Variants in TSPAN13 observed in about 807,000 individuals in gnomAD.
TSPAN13 encodes the protein tetraspanin 13, also known as tetraspanin-13.
In TSPAN13, 18 loss-of-function variants were observed where a neutral mutation model predicts 26.9. That is an observed-to-expected ratio of 0.67 (90% CI 0.46 to 0.99). TSPAN13 has a LOEUF of 0.99. Ranked by LOEUF, TSPAN13 falls within the 50% of genes least tolerant of loss-of-function variation. The pLI, the probability that TSPAN13 is intolerant of heterozygous loss-of-function variation, is 0.00. For missense variants in TSPAN13, 201 were observed against 249.6 expected (o/e 0.81, Z 1.31); for synonymous variants, 116 against 98.4 (o/e 1.18, Z -1.06).
chr7:16,772,318 G>T (rs549014968), intron 1 of TSPAN13, among the ~76,000 whole-genome samples: 1 of 152,296 alleles, frequency 6.6e-6, no homozygotes, highest in African/African-American at 2.4e-5. Flanking sequence ...TAGGTGAATT[G>T]TTCTGTATTT....
In TSPAN13 at chr7:16,753,860, T is replaced by C; in HGVS notation, c.-108T>C. 2 of 1,203,100 alleles carry C rather than the reference T, an allele frequency of 1.7e-6. No individual in the cohort carries two copies. Among genetic ancestry groups the C allele is most frequent in the African/African-American group, 1.5e-5 (1 of 65,740 alleles). 74.5% of individuals were successfully genotyped at this position (1,203,100 alleles called of 1,614,324 possible). ...CCCCGGCCCCCCACCCACGTCTGCGTTGCTGCCCCGCCTGGGCCAGGCCCC... is the reference window on the plus strand; with the variant it reads ...CCCCGGCCCCCCACCCACGTCTGCGCTGCTGCCCCGCCTGGGCCAGGCCCC... On this transcript the variant is annotated 5_prime_UTR_variant, in exon 1 of 6. Transcript: ENST00000262067.
rs189020442 is a variant in TSPAN13, at chr7:16,758,503, T to A, written c.63+4473T>A. ...TTGTTACAGCTTCAGGTGGAAAAAG[T>A]TGAATTTTGCTGAATTTATAGACTT... On this transcript the variant is annotated intron_variant, in intron 1 of 5. Transcript: ENST00000262067. Among the ~76,000 whole-genome samples, 75 of 152,328 alleles carry A rather than the reference T, an allele frequency of 4.9e-4. 1 individual carries two copies. The highest frequency in any genetic ancestry group is 6.8e-3 in the Middle Eastern group (2 of 294).
At chr7:16,763,572 C>G (rs147669436) in intron 1 of TSPAN13, among the ~76,000 whole-genome samples, 2,628 of 152,322 alleles carry the variant, frequency 0.017, 92 homozygotes, top group African/African-American at 0.059. Flanking sequence ...TGGCTACTGG[C>G]AGAATCAATG....
chr7:16,757,926 TG>T (rs1387551174), intron 1 of TSPAN13, among the ~76,000 whole-genome samples: 1 of 152,090 alleles, frequency 6.6e-6, no homozygotes, highest in African/African-American at 2.4e-5. Context: ...CTCCGCCTCC[TG>T]GGTTCAAGCG....
At chr7:16,780,231 C>A (rs1476540351) in intron 5 of TSPAN13, among the ~76,000 whole-genome samples, 1 of 152,016 alleles carries the variant, frequency 6.6e-6, no homozygotes, top group African/African-American at 2.4e-5. Context: ...TCCCGAGTAG[C>A]TGGGGTTACA....
intron 5 of TSPAN13, among the ~76,000 whole-genome samples, chr7:16,782,501 G>GTT (rs765452819): frequency 6.6e-6 from 1 of 152,124 alleles, no homozygotes; most frequent in Non-Finnish European, 1.5e-5. Flanking sequence ...AGCCTAAAGA[G>GTT]TTACAATTTT....
chr7:16,777,442 G>C (rs1784763564), intron 3 of TSPAN13, among the ~76,000 whole-genome samples: 1 of 152,158 alleles, frequency 6.6e-6, no homozygotes, highest in Non-Finnish European at 1.5e-5. Context: ...TGTGGTTCCA[G>C]TCTAGCAATG....
intron 2 of TSPAN13, 104 bp from the exon 3 acceptor site, chr7:16,776,938 G>T: frequency 3.0e-6 from 2 of 659,466 alleles, no homozygotes. Context: ...TCTGTATTCT[G>T]GGTTAATTAC....
At position 16,781,163 on chromosome 7, in the gene TSPAN13, G is replaced by A. The variant is rs576309417; in HGVS notation, c.540+2047G>A. On this transcript the variant is annotated intron_variant, in intron 5 of 5. Coordinates refer to ENST00000262067, the MANE Select transcript of TSPAN13 (RefSeq NM_014399.4). ...AAGCTATGATTAATATATGTTCTTTGTAGTAACTTGAGAAACTACAAAAAA... is the reference window on the plus strand; with the variant it reads ...AAGCTATGATTAATATATGTTCTTTATAGTAACTTGAGAAACTACAAAAAA... Among the ~76,000 whole-genome samples, 3 of 152,194 alleles carry A rather than the reference G, an allele frequency of 2.0e-5. No individual in the cohort carries two copies. The South Asian group carries it at 6.2e-4, about 32-fold the overall frequency.
At chr7:16,765,922 C>T (rs1030058687) in intron 1 of TSPAN13, among the ~76,000 whole-genome samples, 2 of 152,190 alleles carry the variant, frequency 1.3e-5, no homozygotes, top group African/African-American at 4.8e-5. Context: ...CTGTTTGAAT[C>T]AACAATTTTT....
intron 1 of TSPAN13, among the ~76,000 whole-genome samples, chr7:16,755,000 A>T (rs1056609161): frequency 4.6e-5 from 7 of 152,214 alleles, no homozygotes; most frequent in African/African-American, 1.7e-4. Context: ...GTAGTTGACG[A>T]GTCAGGAGTG....
Position 16,768,106 on chromosome 7 carries a change from G to GT in TSPAN13, c.64-8101dup, listed in dbSNP as rs1424683938. Reference sequence around the variant, plus strand: ...TTTTTGTATTTTTAGTAGAAATGGGGTTTTACCATGTTAGCCAGGCTGGTC... The same window carrying GT: ...TTTTTGTATTTTTAGTAGAAATGGGGTTTTTACCATGTTAGCCAGGCTGGTC... On this transcript the variant is annotated intron_variant, in intron 1 of 5. Transcript: ENST00000262067. 2.0e-5 allele frequency among the ~76,000 whole-genome samples: 3 copies of GT among 152,068 alleles called. No individual in the cohort carries two copies. The East Asian group carries it at 5.8e-4, about 29-fold the overall frequency.
At position 16,761,664 on chromosome 7, in the gene TSPAN13, C is replaced by A. The variant is rs189212029; in HGVS notation, c.63+7634C>A. ...CCTTCTGAGTAGCTAGAACTACAAG[C>A]ATACTCCACCCTACCCAGCTAATTA... On this transcript the variant is annotated intron_variant, in intron 1 of 5. Coordinates refer to ENST00000262067, the MANE Select transcript of TSPAN13 (RefSeq NM_014399.4). Among the ~76,000 whole-genome samples, 16 of 150,760 alleles carry A rather than the reference C, an allele frequency of 1.1e-4. No homozygotes were observed. The East Asian group carries it at 2.9e-3, about 28-fold the overall frequency.
intron 1 of TSPAN13, among the ~76,000 whole-genome samples, chr7:16,763,076 G>A (rs1341281397): frequency 3.3e-5 from 5 of 152,134 alleles, no homozygotes; most frequent in South Asian, 2.1e-4. Context: ...CCTGCTCAGC[G>A]GTAAAACTTA....
At chr7:16,773,774 G>A (rs1396040877) in intron 1 of TSPAN13, among the ~76,000 whole-genome samples, 3 of 152,194 alleles carry the variant, frequency 2.0e-5, no homozygotes, top group African/African-American at 4.8e-5. Flanking sequence ...AAAGAACTAT[G>A]GGGTTAGAAG....
At chr7:16,775,179 C>T (rs1784727721) in intron 1 of TSPAN13, among the ~76,000 whole-genome samples, 2 of 152,128 alleles carry the variant, frequency 1.3e-5, no homozygotes, top group East Asian at 1.9e-4. Context: ...ATACTGTTTC[C>T]TTCCTGTTCA....
At chr7:16,760,053 G>A (rs1784524959) in intron 1 of TSPAN13, among the ~76,000 whole-genome samples, 1 of 152,158 alleles carries the variant, frequency 6.6e-6, no homozygotes, top group East Asian at 1.9e-4. Flanking sequence ...GAGCAAGCAA[G>A]CAGTACAATG....
chr7:16,783,541 T>C lies in TSPAN13; in HGVS notation c.*50T>C. 6.4e-7 allele frequency: 1 copy of C among 1,560,910 alleles called. No individual in the cohort carries two copies. The highest frequency in any genetic ancestry group is 2.2e-5 in the East Asian group (1 of 44,654). On this transcript the variant is annotated 3_prime_UTR_variant, in exon 6 of 6. Transcript: ENST00000262067. Reference sequence around the variant, plus strand: ...TCGTATTATGATCTTGTTCACTTTCTGTAATTTTCTGTTAAGCTCCATTTG... The same window carrying C: ...TCGTATTATGATCTTGTTCACTTTCCGTAATTTTCTGTTAAGCTCCATTTG...
chr7:16,776,982 T>C, intron 2 of TSPAN13, 60 bp from the exon 3 acceptor site: 1 of 1,198,410 alleles, frequency 8.3e-7, no homozygotes, highest in Non-Finnish European at 1.2e-6. Context: ...AGTACCTCTG[T>C]ACCTCTGTTT....
Sources: allele counts gnomAD v4.1 joint callset (sites outside exome capture counted in the v4.1 genomes callset), GRCh38; gene constraint gnomAD v4.1.1; transcripts MANE v1.5; gene names NCBI Gene and HGNC (gene_info 2026-07-23, HGNC 2026-07-21).